Variants in UNC13C observed in about 807,000 individuals in gnomAD.
The protein encoded by UNC13C is unc-13 homolog C, also known as protein unc-13 homolog C.
A neutral mutation model predicts 245.4 loss-of-function variants in UNC13C; 174 were observed. That is an observed-to-expected ratio of 0.71 (90% CI 0.63 to 0.80). The LOEUF is 0.80. UNC13C is among the 30% of genes least tolerant of loss of function. UNC13C has a pLI of 0.00. For missense variants in UNC13C, 2,829 were observed against 2,602.9 expected (o/e 1.09, Z -1.89); for synonymous variants, 992 against 895.1 (o/e 1.11, Z -1.93).
At chr15:53,935,465 A>T in the UNC13C span, among the ~76,000 whole-genome samples, 2 of 152,236 alleles carry the variant, frequency 1.3e-5, no homozygotes. Flanking sequence ...AATAAGGTAA[A>T]AAGCAGAGAA....
intron 30 of UNC13C, among the ~76,000 whole-genome samples, chr15:54,607,445 C>T (rs1899827120): frequency 1.3e-5 from 2 of 152,148 alleles, no homozygotes; most frequent in Non-Finnish European, 2.9e-5. Context: ...CTGGGAGTTC[C>T]TCAGCACAGT....
At chr15:54,002,105 T>C (rs2140975736) in intron 1 of UNC13C, among the ~76,000 whole-genome samples, 1 of 152,194 alleles carries the variant, frequency 6.6e-6, no homozygotes, top group East Asian at 1.9e-4. Context: ...GCTAACACGG[T>C]GAAACACCGC....
intron 19 of UNC13C, among the ~76,000 whole-genome samples, chr15:54,476,947 A>G (rs1277611326): frequency 1.4e-5 from 2 of 145,798 alleles, no homozygotes; most frequent in East Asian, 4.2e-4. Context: ...TGAGCATGGA[A>G]TGTTCTTCCA....
At chr15:54,565,162 G>C (rs1209863335) in intron 29 of UNC13C, among the ~76,000 whole-genome samples, 1 of 151,874 alleles carries the variant, frequency 6.6e-6, no homozygotes, top group Non-Finnish European at 1.5e-5. Flanking sequence ...CCCATTATCT[G>C]TATTTTCAAA....
At chr15:54,313,844 C>T (rs968803977) in intron 13 of UNC13C, among the ~76,000 whole-genome samples, 109 of 151,726 alleles carry the variant, frequency 7.2e-4, no homozygotes, top group African/African-American at 2.5e-3. Context: ...TTCATTGCAG[C>T]ATTAGTCACA....
intron 30 of UNC13C, among the ~76,000 whole-genome samples, chr15:54,597,319 T>C (rs758187217): frequency 1.1e-4 from 17 of 152,122 alleles, no homozygotes; most frequent in African/African-American, 3.6e-4. Flanking sequence ...CCAAGGGCAA[T>C]AGCAGCGTGC....
chr15:54,357,305 C>G (rs1333425968), intron 17 of UNC13C, among the ~76,000 whole-genome samples: 1 of 152,026 alleles, frequency 6.6e-6, no homozygotes, highest in South Asian at 2.1e-4. Flanking sequence ...AAGTATAGAG[C>G]AGAATCAAAT....
At chr15:54,086,082 AAT>A (rs1036492266) in intron 2 of UNC13C, among the ~76,000 whole-genome samples, 4 of 152,176 alleles carry the variant, frequency 2.6e-5, no homozygotes, top group Admixed American at 6.5e-5. Context: ...AAACACTCAC[AAT>A]CCTCTCTTTT....
chr15:54,480,410 T>C (rs1372742209), intron 19 of UNC13C, among the ~76,000 whole-genome samples: 1 of 119,938 alleles, frequency 8.3e-6, no homozygotes, highest in Non-Finnish European at 1.7e-5. Flanking sequence ...TCATTCTTTT[T>C]TTACTCTTTT....
chr15:54,006,079 G>T (rs555493292), intron 1 of UNC13C, among the ~76,000 whole-genome samples: 1 of 152,248 alleles, frequency 6.6e-6, no homozygotes, highest in African/African-American at 2.4e-5. Context: ...CATCTCTGAG[G>T]CTCAACATTC....
At chr15:54,061,478 C>G (rs1486031816) in intron 2 of UNC13C, among the ~76,000 whole-genome samples, 1 of 152,150 alleles carries the variant, frequency 6.6e-6, no homozygotes, top group Non-Finnish European at 1.5e-5. Context: ...TTGGATCACT[C>G]TCTGTTGAAG....
chr15:54,184,964 C>A (rs939524700), intron 4 of UNC13C, among the ~76,000 whole-genome samples: 1 of 152,080 alleles, frequency 6.6e-6, no homozygotes, highest in Non-Finnish European at 1.5e-5. Context: ...ACCATTCTAA[C>A]TGGTGTGAGA....
intron 20 of UNC13C, among the ~76,000 whole-genome samples, chr15:54,499,045 C>A (rs1184472950): frequency 5.9e-5 from 9 of 152,158 alleles, no homozygotes; most frequent in Admixed American, 5.2e-4. Context: ...TAAAGAAATA[C>A]CTGAGTCTAG....
At chr15:53,925,114 G>C in the UNC13C span, among the ~76,000 whole-genome samples, 1 of 152,090 alleles carries the variant, frequency 6.6e-6, no homozygotes, top group African/African-American at 2.4e-5. Context: ...CACAGAAAAA[G>C]GGGAATCTGT....
intron 10 of UNC13C, 126 bp downstream of exon 10, chr15:54,265,622 G>T (rs930762371): frequency 1.5e-6 from 1 of 684,882 alleles, no homozygotes; most frequent in Non-Finnish European, 2.2e-6. Context: ...TAATAAAAAA[G>T]TAAAAGTAAT....
At chr15:54,448,161 T>C (rs1890938891) in intron 19 of UNC13C, among the ~76,000 whole-genome samples, 1 of 152,222 alleles carries the variant, frequency 6.6e-6, no homozygotes, top group African/African-American at 2.4e-5. Context: ...ATTTCTGTTC[T>C]TTTATGTTTG....
intron 2 of UNC13C, among the ~76,000 whole-genome samples, chr15:54,042,183 A>C (rs1177575724): frequency 6.6e-6 from 1 of 152,204 alleles, no homozygotes; most frequent in African/African-American, 2.4e-5. Context: ...AACCTCTATA[A>C]AATATCACAA....
intron 17 of UNC13C, among the ~76,000 whole-genome samples, chr15:54,366,069 A>G (rs963264269): frequency 4.6e-5 from 7 of 152,224 alleles, no homozygotes; most frequent in Non-Finnish European, 8.8e-5. Flanking sequence ...TATTGCTTGG[A>G]TATATTATTT....
chr15:54,034,939 G>A (rs915951547), intron 2 of UNC13C, among the ~76,000 whole-genome samples: 11 of 152,052 alleles, frequency 7.2e-5, no homozygotes, highest in African/African-American at 2.4e-4. Context: ...AGTTTGCTGT[G>A]GCCTAGGAGT....
Sources: allele counts gnomAD v4.1 joint callset (sites outside exome capture counted in the v4.1 genomes callset), GRCh38; gene constraint gnomAD v4.1.1; transcripts MANE v1.5; gene names NCBI Gene and HGNC (gene_info 2026-07-23, HGNC 2026-07-21).